FRZB: variants seen among roughly 807,000 people sequenced by gnomAD.
FRZB encodes the protein frizzled related protein.
A neutral mutation model predicts 32.5 loss-of-function variants in FRZB; 34 were observed. That is an observed-to-expected ratio of 1.05 (90% CI 0.80 to 1.39). FRZB has a LOEUF of 1.39. Among genes scored for constraint, FRZB ranks in the 40% most tolerant of loss-of-function variants. The probability of loss-of-function intolerance (pLI) is 0.00; values close to 1 mark genes in which losing one functional copy is unlikely to be tolerated. For missense variants in FRZB, 423 were observed against 424.8 expected, an observed-to-expected ratio of 1.00 and a Z score of 0.04; for synonymous variants, 170 against 159.2, an observed-to-expected ratio of 1.07 and a Z score of -0.51.
chr2:182,859,907 T>C (rs1003715968), intron 1 of FRZB, among the ~76,000 whole-genome samples: 1 of 152,230 alleles, frequency 6.6e-6, no homozygotes, highest in African/African-American at 2.4e-5. Context: ...AATACTTTCA[T>C]TATATTCAAA....
intron 1 of FRZB, among the ~76,000 whole-genome samples, chr2:182,860,864 C>CAAA (rs796422085): frequency 8.5e-4 from 59 of 69,130 alleles, no homozygotes; most frequent in African/African-American, 2.8e-3. Context: ...GAGACTGTCT[C>CAAA]AAAAAAAAAA....
intron 2 of FRZB, among the ~76,000 whole-genome samples, chr2:182,856,887 G>A (rs745795012): frequency 1.3e-5 from 2 of 150,358 alleles, no homozygotes; most frequent in Admixed American, 6.6e-5. Context: ...CCCTTCTCTC[G>A]GTAATCAATA....
At chr2:182,847,714 G>A (rs1188972359) in intron 2 of FRZB, among the ~76,000 whole-genome samples, 1 of 152,196 alleles carries the variant, frequency 6.6e-6, no homozygotes, top group African/African-American at 2.4e-5. Flanking sequence ...TGGGGAATGA[G>A]GGGCTACGAA....
At chr2:182,843,280 C>A (rs1473835942) in intron 2 of FRZB, among the ~76,000 whole-genome samples, 1 of 152,130 alleles carries the variant, frequency 6.6e-6, no homozygotes, top group African/African-American at 2.4e-5. Context: ...ATAATAATAA[C>A]AATTCTAATT....
In FRZB at chr2:182,834,668, G is replaced by A. The variant is rs538624020; in HGVS notation, c.*181C>T. On this transcript the variant is annotated 3_prime_UTR_variant, in exon 6 of 6. Transcript: ENST00000295113. ...AGTCTGCCCCCAAACCATTACAAAG[G>A]GGTTGAGAGAAGAGAGAAGCAGAAA... The A allele has an allele frequency of 2.5e-5, 15 of 607,968 alleles. No individual in the cohort carries two copies. In the East Asian group the frequency reaches 3.9e-4, roughly 16 times the overall value. 37.7% of individuals were successfully genotyped at this position (607,968 alleles called of 1,614,324 possible).
Position 182,834,939 on chromosome 2 carries a change from A to G in FRZB, c.888T>C (p.Leu296=), listed in dbSNP as rs1695507554. The change falls in exon 6 of 6, where the codon CTT becomes CTC. Residue 296 remains leucine (L), a synonymous_variant. Coordinates refer to ENST00000295113, the MANE Select transcript of FRZB (RefSeq NM_001463.4). Reference sequence around the variant, plus strand: ...TGCTAGAATCACTTTTACTGAGTCCAAGATGACGAAGCTTCATATCCCAGC... The same window carrying G: ...TGCTAGAATCACTTTTACTGAGTCCGAGATGACGAAGCTTCATATCCCAGC... ...VKRWDMKLRH[L]GLSKSDSSNS... The G allele has an allele frequency of 1.9e-6, 3 of 1,613,178 alleles. No individual in the cohort carries two copies. Among genetic ancestry groups the G allele is most frequent in the East Asian group, 4.5e-5 (2 of 44,852 alleles).
chr2:182,865,163 C>T (rs534592116), intron 1 of FRZB, among the ~76,000 whole-genome samples: 16 of 151,274 alleles, frequency 1.1e-4, no homozygotes, highest in East Asian at 7.8e-4. Context: ...GGTGCACACA[C>T]GGAAAAGGAG....
At chr2:182,838,084 T>G in intron 4 of FRZB, 73 bp from the exon 5 acceptor site, 1 of 1,172,830 alleles carries the variant, frequency 8.5e-7, no homozygotes, top group Non-Finnish European at 1.3e-6. Context: ...GAAACAGTAC[T>G]TGAACAAGAA....
chr2:182,866,512 G>A lies in FRZB; in HGVS notation c.41C>T (p.Ala14Val). ...GAGAGCAGCCAGGGCAAGCAGCCCG[G>A]CCCGCAGCAGCAGCATCCCTCCCGG... ...GSPGGMLLLR[A>V]GLLALAALCL... Residue 14 changes from alanine (A) to valine (V), a missense_variant, in exon 1 of 6, where the codon GCC (alanine) becomes GTC (valine). Physicochemically the swap from Ala to Val is moderately conservative, Grantham distance 64. Coordinates refer to ENST00000295113, the MANE Select transcript of FRZB (RefSeq NM_001463.4). This position sits in a 1 kb window ranked among gnomAD's most constrained non-coding sequence, Gnocchi z 4.5. The A allele has an allele frequency of 6.7e-7, 1 of 1,497,822 alleles. No homozygotes were observed. The highest frequency in any genetic ancestry group is 1.3e-5 in the South Asian group (1 of 77,032). 92.8% of individuals were successfully genotyped at this position (1,497,822 alleles called of 1,614,324 possible). A position where few individuals can be genotyped will look rare whatever the true frequency, so the allele number is the denominator to read the frequency against.
At chr2:182,850,579 A>T (rs549324198) in intron 2 of FRZB, among the ~76,000 whole-genome samples, 1 of 152,340 alleles carries the variant, frequency 6.6e-6, no homozygotes, top group African/African-American at 2.4e-5. Context: ...ATAGCTGAAC[A>T]ATATGTCATT....
At chr2:182,843,934 A>C (rs1297537774) in intron 2 of FRZB, among the ~76,000 whole-genome samples, 1 of 152,146 alleles carries the variant, frequency 6.6e-6, no homozygotes, top group Non-Finnish European at 1.5e-5. Context: ...CCGTCTCAAA[A>C]AAAAAAAAAA....
At position 182,833,629 on chromosome 2, in the gene FRZB, C is replaced by G. The variant is rs1695489279; in HGVS notation, c.*1220G>C. 1.3e-5 allele frequency: 2 copies of G among 152,142 alleles called. No individual in the cohort carries two copies. Among genetic ancestry groups the G allele is most frequent in the Admixed American group, 1.3e-4 (2 of 15,254 alleles). 9.4% of individuals were successfully genotyped at this position (152,142 alleles called of 1,614,324 possible). A position where few individuals can be genotyped will look rare whatever the true frequency, so the allele number is the denominator to read the frequency against. On this transcript the variant is annotated 3_prime_UTR_variant, in exon 6 of 6. Coordinates refer to ENST00000295113, the MANE Select transcript of FRZB (RefSeq NM_001463.4). ...CACCACAGCCCCTGGGATCTCACCA[C>G]AGCTTGGGTAATGAGAAATGTGCAA...
chr2:182,865,502 T>A (rs947462192), intron 1 of FRZB, among the ~76,000 whole-genome samples: 1 of 152,150 alleles, frequency 6.6e-6, no homozygotes, highest in East Asian at 1.9e-4. Context: ...TCAAACTGGA[T>A]CTTGAGCAAA....
chr2:182,863,072 A>G (rs2105765280), intron 1 of FRZB, among the ~76,000 whole-genome samples: 2 of 152,218 alleles, frequency 1.3e-5, no homozygotes, highest in Middle Eastern at 3.4e-3. Flanking sequence ...ACCAGCTTTA[A>G]TTTCATCTTT....
intron 2 of FRZB, among the ~76,000 whole-genome samples, chr2:182,852,396 G>A (rs1464389813): frequency 1.3e-5 from 2 of 152,164 alleles, no homozygotes; most frequent in East Asian, 1.9e-4. Context: ...AACTCTGGGA[G>A]AGCATCTGAC....
chr2:182,837,096 C>A (rs1426645440), intron 5 of FRZB, among the ~76,000 whole-genome samples: 1 of 142,802 alleles, frequency 7.0e-6, no homozygotes, highest in Non-Finnish European at 1.5e-5. Flanking sequence ...ACCCACACAT[C>A]CTTTGAGATT....
intron 5 of FRZB, among the ~76,000 whole-genome samples, 190 bp from the exon 6 acceptor site, chr2:182,835,155 A>G (rs1350002141): frequency 2.6e-5 from 4 of 152,134 alleles, no homozygotes; most frequent in African/African-American, 9.6e-5. Flanking sequence ...TCTGACTTTA[A>G]CAAGCGCAAC....
In FRZB at chr2:182,838,502, A is replaced by G. The variant is rs752314287; in HGVS notation, c.704T>C (p.Val235Ala). 1.2e-6 allele frequency: 2 copies of G among 1,613,010 alleles called. No individual in the cohort carries two copies. ...GCAGCCAGAGCTGGTATAGAGGTTGACAGTGTCCCGTGGAATGTTTACCAG... is the reference window on the plus strand; with the variant it reads ...GCAGCCAGAGCTGGTATAGAGGTTGGCAGTGTCCCGTGGAATGTTTACCAG... ...SSLVNIPRDT[V>A]NLYTSSGCLC... The change falls in exon 4 of 6, where the codon GTC becomes GCC. Residue 235 changes from valine to alanine, a missense_variant. Val to Ala is a moderately conservative substitution (Grantham distance 64). Coordinates refer to ENST00000295113, the MANE Select transcript of FRZB (RefSeq NM_001463.4).
rs61235169 is a variant in FRZB, at chr2:182,834,000, G to GAA, written c.*847_*848dup. ...AATTCTGATTTATTTTAAAAGAAGA[G>GAA]AAAAAAAAAGACTTTCACCAATGGG... On this transcript the variant is annotated 3_prime_UTR_variant, in exon 6 of 6. Transcript: ENST00000295113. 6.7e-6 allele frequency: 1 copy of GAA among 149,964 alleles called. No individual in the cohort carries two copies. The highest frequency in any genetic ancestry group is 2.4e-5 in the African/African-American group (1 of 40,976). 9.3% of individuals were successfully genotyped at this position (149,964 alleles called of 1,614,324 possible).
Sources: allele counts gnomAD v4.1 joint callset (sites outside exome capture counted in the v4.1 genomes callset), GRCh38; gene constraint gnomAD v4.1.1; non-coding constraint Gnocchi (gnomAD v3.1); transcripts MANE v1.5; gene names NCBI Gene and HGNC (gene_info 2026-07-23, HGNC 2026-07-21).